Variants in DEPDC5 observed in about 807,000 individuals in gnomAD.
DEPDC5 encodes the protein DEP domain containing 5, GATOR1 subcomplex subunit, also known as GATOR1 complex protein DEPDC5.
DEPDC5 carries 73 observed loss-of-function variants against 217.3 expected under a neutral mutation model. That is an observed-to-expected ratio of 0.34 (90% confidence interval 0.28 to 0.41). DEPDC5 has a LOEUF of 0.41. DEPDC5 is among the 10% of genes least tolerant of loss of function. The pLI, the probability that DEPDC5 is intolerant of heterozygous loss-of-function variation, is 1.00. For missense variants in DEPDC5, 1,675 were observed against 2,070.1 expected (o/e 0.81, Z 3.70); for synonymous variants, 733 against 756.7 (o/e 0.97, Z 0.51).
At chr22:31,809,053 C>T (rs1419070146) in intron 18 of DEPDC5, among the ~76,000 whole-genome samples, 2 of 152,158 alleles carry the variant, frequency 1.3e-5, no homozygotes, top group Non-Finnish European at 2.9e-5. Context: ...CAGGCGTGAA[C>T]CACTGTGCCT....
chr22:31,781,083 G>T (rs1484419797), intron 8 of DEPDC5, among the ~76,000 whole-genome samples: 3 of 152,070 alleles, frequency 2.0e-5, no homozygotes, highest in Non-Finnish European at 2.9e-5. Flanking sequence ...GGGCTTGGTG[G>T]TGCATGCCTG....
At chr22:31,868,618 G>A (rs965879839) in intron 33 of DEPDC5, among the ~76,000 whole-genome samples, 2 of 152,016 alleles carry the variant, frequency 1.3e-5, no homozygotes, top group African/African-American at 4.8e-5. Flanking sequence ...GTAGAAATGG[G>A]GTTTCACCGT....
chr22:31,863,225 G>C (rs931469589), intron 33 of DEPDC5, among the ~76,000 whole-genome samples: 1 of 152,282 alleles, frequency 6.6e-6, no homozygotes. Context: ...GGAGTGCAGT[G>C]GTTCAATGTC....
chr22:31,876,405 T>A, intron 37 of DEPDC5, 140 bp downstream of exon 37: 1 of 646,706 alleles, frequency 1.5e-6, no homozygotes, highest in Non-Finnish European at 2.7e-6. Context: ...TCCTTGAGCC[T>A]TTGTACTTAA....
chr22:31,822,605 C>A, intron 23 of DEPDC5, 88 bp from the exon 24 acceptor site: 1 of 1,319,806 alleles, frequency 7.6e-7, no homozygotes, highest in Non-Finnish European at 1.1e-6. Flanking sequence ...TTTTTATGAA[C>A]CTACCTCCCA....
At chr22:31,861,595 T>G (rs2092514776) in intron 33 of DEPDC5, among the ~76,000 whole-genome samples, 162 bp downstream of exon 33, 1 of 152,194 alleles carries the variant, frequency 6.6e-6, no homozygotes, top group Non-Finnish European at 1.5e-5. Flanking sequence ...CCATGTTGTT[T>G]GTGGCGGCGA....
rs766933880 is a variant in DEPDC5, at chr22:31,876,163, C to G, written c.3703C>G (p.Leu1235Val). 3 of 1,613,676 alleles carry G rather than the reference C, an allele frequency of 1.9e-6. No individual in the cohort carries two copies. The highest frequency in any genetic ancestry group is 2.5e-6 in the Non-Finnish European group (3 of 1,179,902). Residue 1235 changes from leucine (L) to valine (V), a missense_variant, in exon 37 of 43, where the codon CTG becomes GTG. Coordinates refer to ENST00000651528, the MANE Select transcript of DEPDC5 (RefSeq NM_001242896.3). The stretch of plus-strand genomic sequence containing the variant: ...GTTTCAATGTCTCTCCTAGAAAATG[C>G]TGGAAGAGCAGCTCATCACACATGC... ...AMAIDIMQKM[L>V]EEQLITHASG... is the part of the protein sequence containing the mutation.
intron 22 of DEPDC5, among the ~76,000 whole-genome samples, chr22:31,819,990 A>C (rs577719414): frequency 6.6e-6 from 1 of 151,976 alleles, no homozygotes; most frequent in South Asian, 2.1e-4. Flanking sequence ...ATTCTTTTTT[A>C]TCTATATTCT....
intron 8 of DEPDC5, among the ~76,000 whole-genome samples, chr22:31,782,714 G>A (rs1337086279): frequency 6.6e-6 from 1 of 152,130 alleles, no homozygotes; most frequent in African/African-American, 2.4e-5. Context: ...ACTTTCCTAG[G>A]TAGATTCACT....
At chr22:31,807,442 G>T (rs1203989347) in intron 18 of DEPDC5, among the ~76,000 whole-genome samples, 2 of 152,050 alleles carry the variant, frequency 1.3e-5, no homozygotes, top group African/African-American at 4.8e-5. Context: ...GTCGTTGTTT[G>T]TTTTTTTGAG....
At chr22:31,869,988 C>T (rs1057007094) in intron 33 of DEPDC5, among the ~76,000 whole-genome samples, 22 of 152,276 alleles carry the variant, frequency 1.4e-4, no homozygotes, top group African/African-American at 5.1e-4. Context: ...TGTGAATCTG[C>T]AGAGGGCAGG....
At chr22:31,861,492 C>T (rs2092511679) in intron 33 of DEPDC5, 59 bp downstream of exon 33, 2 of 1,530,602 alleles carry the variant, frequency 1.3e-6, no homozygotes, top group African/African-American at 2.8e-5. Flanking sequence ...ATGAGCTGGC[C>T]TTCTGTTAGG....
At chr22:31,842,903 T>A (rs1233095066) in intron 27 of DEPDC5, among the ~76,000 whole-genome samples, 192 bp from the exon 28 acceptor site, 2 of 152,216 alleles carry the variant, frequency 1.3e-5, no homozygotes, top group African/African-American at 4.8e-5. Flanking sequence ...CCTGGTTGGT[T>A]TAATAACAGA....
intron 18 of DEPDC5, among the ~76,000 whole-genome samples, chr22:31,806,593 T>C (rs754919992): frequency 1.6e-4 from 25 of 152,262 alleles, no homozygotes; most frequent in Non-Finnish European, 2.9e-4. Context: ...TATTGTGACC[T>C]GACTGTTTTA....
At chr22:31,886,724 C>T (rs1000256546) in intron 38 of DEPDC5, among the ~76,000 whole-genome samples, 18 of 134,690 alleles carry the variant, frequency 1.3e-4, no homozygotes, top group African/African-American at 4.8e-4. Context: ...TGCACCACTG[C>T]ACTCCCGCCT....
At chr22:31,761,055 C>T (rs1029939472) in intron 4 of DEPDC5, among the ~76,000 whole-genome samples, 2 of 151,516 alleles carry the variant, frequency 1.3e-5, no homozygotes, top group Non-Finnish European at 2.9e-5. Context: ...GATCTCGGCT[C>T]ACTGCAAGCT....
chr22:31,890,020 A>G (rs1297771775), intron 38 of DEPDC5, among the ~76,000 whole-genome samples: 2 of 152,150 alleles, frequency 1.3e-5, no homozygotes, highest in Non-Finnish European at 1.5e-5. Flanking sequence ...TTGGCAAACT[A>G]ATGGCCTAAA....
intron 33 of DEPDC5, among the ~76,000 whole-genome samples, chr22:31,866,257 A>C (rs1018137606): frequency 6.6e-6 from 1 of 152,030 alleles, no homozygotes; most frequent in East Asian, 1.9e-4. Context: ...TTTTTTAATC[A>C]AACGCCAGAC....
intron 37 of DEPDC5, among the ~76,000 whole-genome samples, chr22:31,876,562 T>C (rs977156503): frequency 2.0e-5 from 3 of 152,154 alleles, no homozygotes; most frequent in Admixed American, 2.0e-4. Context: ...CTGTTTTTAA[T>C]TAGAGTGCCC....
Sources: gnomAD v4.1 joint callset for allele counts (sites outside exome capture counted in the v4.1 genomes callset) on GRCh38, gnomAD v4.1.1 for gene constraint, MANE v1.5 for transcripts, NCBI Gene and HGNC (gene_info 2026-07-23, HGNC 2026-07-21) for gene names.